PFKFB3: variants seen among roughly 807,000 people sequenced by gnomAD.
PFKFB3 encodes the protein 6-phosphofructo-2-kinase/fructose-2,6-biphosphatase 3, also known as 6-phosphofructo-2-kinase/fructose-2,6-bisphosphatase 3.
Under a neutral mutation model 68.0 loss-of-function variants are expected in PFKFB3, and 33 were observed. The ratio of observed to expected loss-of-function variants is 0.49; its 90% CI spans 0.37 to 0.65. PFKFB3 has a LOEUF of 0.65. Ranked by LOEUF, PFKFB3 falls within the 30% of genes least tolerant of loss-of-function variation. The probability of loss-of-function intolerance (pLI) is 0.00; values close to 1 mark genes in which losing one functional copy is unlikely to be tolerated. For synonymous variants in PFKFB3, 315 were observed against 288.2 expected, an observed-to-expected ratio of 1.09 and a Z score of -0.94; for missense variants, 586 against 712.2, an observed-to-expected ratio of 0.82 and a Z score of 2.02.
chr10:6,201,422 G>A (rs1321233736), upstream of PFKFB3, among the ~76,000 whole-genome samples: 3 of 151,088 alleles, frequency 2.0e-5, no homozygotes, highest in Non-Finnish European at 4.4e-5. The surrounding 1 kb of genome is among the most constrained non-coding windows in gnomAD (Gnocchi z 4.1). Flanking sequence ...GGCGCGGGGG[G>A]CGGGGTGCCG....
chr10:6,263,709 C>T, the PFKFB3 span, among the ~76,000 whole-genome samples: 6 of 126,918 alleles, frequency 4.7e-5, no homozygotes, highest in African/African-American at 1.7e-4. Context: ...GTTTTTGAGA[C>T]AGAGTCTTGC....
downstream of PFKFB3, among the ~76,000 whole-genome samples, chr10:6,254,984 T>G (rs1366281494): frequency 2.7e-5 from 4 of 149,078 alleles, no homozygotes; most frequent in East Asian, 8.0e-4. Flanking sequence ...TCCTGGCCAA[T>G]TTTTGTATTT....
At chr10:6,183,422 C>T (rs1393413673) in intron 1 of PFKFB3, among the ~76,000 whole-genome samples, 1 of 151,816 alleles carries the variant, frequency 6.6e-6, no homozygotes, top group Admixed American at 6.6e-5. Flanking sequence ...GAATAGAATG[C>T]TTGCAGTCAG....
rs1055397154 is a variant in PFKFB3 at position 6,155,576 on chromosome 10, G to A, written c.16+10563G>A. Among the ~76,000 whole-genome samples, 139 of 152,030 alleles carry A rather than the reference G, an allele frequency of 9.1e-4. 1 individual carries two copies. Among genetic ancestry groups the A allele is most frequent in the African/African-American group, 3.1e-3 (129 of 41,452 alleles). ...CCAACCAAATGTCTGTCCTTCCTCC[G>A]TTTCCATAAATGTCAAGGGCTCCAC... On this transcript the variant is annotated intron_variant, in intron 1 of 14. Transcript: ENST00000379789.
At chr10:6,217,432 A>G (rs1844659988) in intron 6 of PFKFB3, among the ~76,000 whole-genome samples, 1 of 152,228 alleles carries the variant, frequency 6.6e-6, no homozygotes, top group Non-Finnish European at 1.5e-5. Flanking sequence ...GACGTAGGAA[A>G]TAATTCAGGG....
chr10:6,298,835 C>T, the PFKFB3 span, among the ~76,000 whole-genome samples: 3 of 152,140 alleles, frequency 2.0e-5, no homozygotes, highest in Non-Finnish European at 2.9e-5. Context: ...TCTGTTGGTG[C>T]GGAAAAAGAA....
intron 6 of PFKFB3, among the ~76,000 whole-genome samples, chr10:6,218,148 T>C (rs1844716694): frequency 6.6e-6 from 1 of 152,200 alleles, no homozygotes; most frequent in South Asian, 2.1e-4. Context: ...GCACTCGTTG[T>C]TCCCCTTGGT....
rs1231017443 is a variant in PFKFB3 at position 6,217,296 on chromosome 10, C to T, written c.498+105C>T. ...GGTCCGGCTCGGAAGCGCAGCTGAGCCCTTAGGATGAGCAGCCCCCAGCTG... is the reference window on the plus strand; with the variant it reads ...GGTCCGGCTCGGAAGCGCAGCTGAGTCCTTAGGATGAGCAGCCCCCAGCTG... On this transcript the variant is annotated intron_variant, in intron 6 of 14. Coordinates refer to ENST00000379775, the MANE Select transcript of PFKFB3 (RefSeq NM_004566.4). 11 of 1,018,396 alleles carry T rather than the reference C, an allele frequency of 1.1e-5. No homozygotes were observed. The African/African-American group carries it at 1.1e-4, about 10-fold the overall frequency. The allele number at this position is 1,018,396 out of a possible 1,614,324, so 63.1% of individuals were successfully genotyped here.
the PFKFB3 span, among the ~76,000 whole-genome samples, chr10:6,321,016 C>T: frequency 6.6e-5 from 10 of 152,182 alleles, no homozygotes; most frequent in East Asian, 1.9e-4. Flanking sequence ...CCTTTTTACC[C>T]TGCAGTGGAC....
At chr10:6,224,407 TTC>T in intron 13 of PFKFB3, 194 bp downstream of exon 13, 1 of 629,356 alleles carries the variant, frequency 1.6e-6, no homozygotes. Flanking sequence ...CCTTCTCATT[TTC>T]TTTCTTCCTG....
rs776926243 is a variant in PFKFB3 at position 6,219,471 on chromosome 10, CT to C, written c.499-96del. On this transcript the variant is annotated intron_variant, in intron 6 of 14. Coordinates refer to ENST00000379775, the MANE Select transcript of PFKFB3 (RefSeq NM_004566.4). The stretch of plus-strand genomic sequence containing the variant: ...GGGCCGGATAATCTTTATACTGAGC[CT>C]TCTGTGCGCTCCCCTTTTGAAAGCC... 4.6e-6 allele frequency: 6 copies of C among 1,311,546 alleles called. No individual in the cohort carries two copies. In the South Asian group the frequency reaches 7.1e-5, roughly 16 times the overall value. The allele number at this position is 1,311,546 out of a possible 1,614,324, so 81.2% of individuals were successfully genotyped here. A position where few individuals can be genotyped will look rare whatever the true frequency, so the allele number is the denominator to read the frequency against.
Position 6,219,610 on chromosome 10 carries a change from G to C in PFKFB3, c.540G>C (p.Ser180=). The C allele has an allele frequency of 6.2e-7, 1 of 1,613,896 alleles. No homozygotes were observed. The highest frequency in any genetic ancestry group is 1.3e-5 in the African/African-American group (1 of 75,008). The change falls in exon 7 of 15, where the codon TCG becomes TCC. Residue 180 remains serine (S), a synonymous_variant. Transcript: ENST00000379775. ...GCCCGGATTACAAAGACTGCAACTC[G>C]GCAGAAGCCATGGACGACTTCATGA... ...ISSPDYKDCN[S]AEAMDDFMKR...
chr10:6,187,284 C>G (rs1020390713), intron 1 of PFKFB3, among the ~76,000 whole-genome samples: 4 of 151,812 alleles, frequency 2.6e-5, no homozygotes, highest in African/African-American at 7.3e-5. Flanking sequence ...TTGCTTGAAC[C>G]AGGGAGGTGG....
intron 1 of PFKFB3, among the ~76,000 whole-genome samples, chr10:6,182,630 C>T (rs938008717): frequency 5.9e-5 from 9 of 152,216 alleles, no homozygotes; most frequent in East Asian, 1.9e-4. Context: ...GGCCTCGAGG[C>T]CCCCGCCTGT....
chr10:6,218,445 T>C lies in PFKFB3; in HGVS notation c.499-1124T>C, dbSNP rs200752908. Among the ~76,000 whole-genome samples, 17 of 119,728 alleles carry C rather than the reference T, an allele frequency of 1.4e-4. No individual in the cohort carries two copies. In the East Asian group the frequency reaches 3.2e-3, roughly 22 times the overall value. 78.5% of individuals were successfully genotyped at this position (119,728 alleles called of 152,430 possible). ...ATTTATTTATTTATTTATTTATTTA[T>C]TGAAACGGACTCTCCTTCTGTTGCC... is the stretch of plus-strand genomic sequence containing the variant. On this transcript the variant is annotated intron_variant, in intron 6 of 14. Transcript: ENST00000379775.
chr10:6,145,731 C>A (rs548791756), intron 1 of PFKFB3, among the ~76,000 whole-genome samples: 1 of 152,196 alleles, frequency 6.6e-6, no homozygotes, highest in African/African-American at 2.4e-5. Context: ...TGGGAGCCGT[C>A]CCCAGAAAAG....
chr10:6,150,689 C>T (rs138474209), intron 1 of PFKFB3, among the ~76,000 whole-genome samples: 4 of 152,156 alleles, frequency 2.6e-5, no homozygotes, highest in East Asian at 1.9e-4. Flanking sequence ...TTTCCCCATG[C>T]GTAATTTAAA....
chr10:6,262,030 A>AAC, the PFKFB3 span, among the ~76,000 whole-genome samples: 25 of 150,852 alleles, frequency 1.7e-4, no homozygotes, highest in Non-Finnish European at 1.9e-4. Context: ...AAAAAAAAAA[A>AAC]CACAAAAAAC....
intron 1 of PFKFB3, among the ~76,000 whole-genome samples, chr10:6,171,008 CAA>C (rs780015948): frequency 4.2e-4 from 64 of 152,180 alleles, no homozygotes; most frequent in Non-Finnish European, 8.2e-4. Context: ...GGAAATATTA[CAA>C]AGTCTTTCTT....
Sources: allele counts gnomAD v4.1 joint callset (sites outside exome capture counted in the v4.1 genomes callset), GRCh38; gene constraint gnomAD v4.1.1; non-coding constraint Gnocchi (gnomAD v3.1); transcripts MANE v1.5; gene names NCBI Gene and HGNC (gene_info 2026-07-23, HGNC 2026-07-21).